CAP2: variants seen among roughly 807,000 people sequenced by gnomAD.
CAP2 encodes adenylyl cyclase-associated protein 2.
A neutral mutation model predicts 57.7 loss-of-function variants in CAP2; 24 were observed. The observed-to-expected ratio is 0.42, with a 90% CI of 0.30 to 0.58. The LOEUF (loss-of-function observed/expected upper bound fraction) is 0.58. CAP2 is among the 20% of genes least tolerant of loss of function. CAP2 has a pLI of 0.22. For missense variants in CAP2, 501 were observed against 590.3 expected (o/e 0.85, Z 1.57); for synonymous variants, 194 against 207.2 (o/e 0.94, Z 0.55).
At chr6:17,467,110 C>T (rs3891901) in intron 4 of CAP2, among the ~76,000 whole-genome samples, 4,271 of 152,224 alleles carry the variant, frequency 0.028, 184 homozygotes, top group African/African-American at 0.096. Flanking sequence ...CAAGTGACCA[C>T]TCTTGCTGCC....
intron 1 of CAP2, among the ~76,000 whole-genome samples, chr6:17,405,996 C>T (rs1758955266): frequency 1.3e-5 from 2 of 152,132 alleles, no homozygotes; most frequent in African/African-American, 4.8e-5. Context: ...CTACCCCAGC[C>T]TCTGAAAGTG....
At chr6:17,462,340 AAG>A (rs1392804839) in intron 3 of CAP2, among the ~76,000 whole-genome samples, 1 of 152,198 alleles carries the variant, frequency 6.6e-6, no homozygotes, top group African/African-American at 2.4e-5. Context: ...GAAAGAGGGT[AAG>A]AGAGAGACAG....
At chr6:17,533,672 G>C (rs111736990) in intron 7 of CAP2, among the ~76,000 whole-genome samples, 5,289 of 151,418 alleles carry the variant, frequency 0.035, 325 homozygotes, top group African/African-American at 0.12. Flanking sequence ...GGGTTCAAGC[G>C]ATTCTCCTGC....
chr6:17,406,398 C>CTTTTT lies in CAP2; in HGVS notation c.-2+12663_-2+12667dup, dbSNP rs777803474. ...CTTTTCTGTCAGTAAGCCCAGATTT[C>CTTTTT]TTTTTTTTTTTTTTTGAGGCAGTCT... On this transcript the variant is annotated intron_variant, in intron 1 of 12. Coordinates refer to ENST00000229922, the MANE Select transcript of CAP2 (RefSeq NM_006366.3). 1.5e-4 allele frequency among the ~76,000 whole-genome samples: 15 copies of CTTTTT among 102,478 alleles called. No individual in the cohort carries two copies. In the South Asian group the frequency reaches 2.2e-3, roughly 15 times the overall value. 67.2% of individuals were successfully genotyped at this position (102,478 alleles called of 152,430 possible).
At chr6:17,511,249 C>T (rs577457356) in intron 6 of CAP2, among the ~76,000 whole-genome samples, 1 of 152,170 alleles carries the variant, frequency 6.6e-6, no homozygotes, top group South Asian at 2.1e-4. Context: ...ATGCAACACC[C>T]ATTTACCGGT....
At chr6:17,454,540 A>C (rs191392971) in intron 3 of CAP2, among the ~76,000 whole-genome samples, 6 of 152,248 alleles carry the variant, frequency 3.9e-5, no homozygotes, top group Non-Finnish European at 7.4e-5. Flanking sequence ...CTTCTTTTGT[A>C]ATCTCCCATT....
intron 12 of CAP2, among the ~76,000 whole-genome samples, chr6:17,554,281 A>G (rs1481103590): frequency 3.3e-5 from 5 of 152,074 alleles, no homozygotes; most frequent in East Asian, 1.9e-4. Flanking sequence ...TAATTTTTGT[A>G]TGTTTTGTAG....
intron 7 of CAP2, among the ~76,000 whole-genome samples, chr6:17,533,858 G>C (rs190861935): frequency 1.3e-5 from 2 of 152,038 alleles, no homozygotes; most frequent in Non-Finnish European, 2.9e-5. Context: ...GAGCCACTGC[G>C]CCCAGCCTCA....
At chr6:17,441,132 T>C (rs1439477752) in intron 3 of CAP2, among the ~76,000 whole-genome samples, 1 of 151,566 alleles carries the variant, frequency 6.6e-6, no homozygotes, top group African/African-American at 2.4e-5. Flanking sequence ...CTTAGATCTT[T>C]TAATAAATTA....
chr6:17,444,881 A>T (rs925952620), intron 3 of CAP2, among the ~76,000 whole-genome samples: 1 of 150,624 alleles, frequency 6.6e-6, no homozygotes, highest in Non-Finnish European at 1.5e-5. Flanking sequence ...GTGACAGTTT[A>T]TCCAGTACCC....
intron 11 of CAP2, among the ~76,000 whole-genome samples, chr6:17,545,399 A>G (rs1485689141): frequency 6.6e-6 from 1 of 152,194 alleles, no homozygotes; most frequent in African/African-American, 2.4e-5. Flanking sequence ...AAATGTGAAA[A>G]TGGGAAGTTC....
chr6:17,396,196 C>T (rs1182021132), intron 1 of CAP2, among the ~76,000 whole-genome samples: 2 of 152,124 alleles, frequency 1.3e-5, no homozygotes, highest in African/African-American at 4.8e-5. Flanking sequence ...CTTTGTACAC[C>T]ACCGATGGGA....
At chr6:17,417,187 A>G (rs1005986905) in intron 1 of CAP2, among the ~76,000 whole-genome samples, 1 of 152,060 alleles carries the variant, frequency 6.6e-6, no homozygotes, top group Non-Finnish European at 1.5e-5. Context: ...TGCACTTCTC[A>G]TTATAATGAA....
At chr6:17,532,740 T>TC (rs113165026) in intron 7 of CAP2, among the ~76,000 whole-genome samples, 25,166 of 123,976 alleles carry the variant, frequency 0.2, 2,844 homozygotes, top group African/African-American at 0.34. Flanking sequence ...TGAGCGATAC[T>TC]AAAAAAAAAA....
chr6:17,529,651 A>AAAAAAAAAAAAAATAT (rs10656588), intron 7 of CAP2, among the ~76,000 whole-genome samples: 3 of 134,538 alleles, frequency 2.2e-5, no homozygotes, highest in African/African-American at 8.8e-5. Context: ...AAAAAAAAAA[A>AAAAAAAAAAAAAATAT]ATATATATAT....
intron 4 of CAP2, among the ~76,000 whole-genome samples, chr6:17,500,649 A>C (rs1462043141): frequency 6.6e-6 from 1 of 152,046 alleles, no homozygotes; most frequent in African/African-American, 2.4e-5. Flanking sequence ...CAAACTTAAC[A>C]GCCCCTATGT....
chr6:17,398,482 A>G (rs1461704275), intron 1 of CAP2, among the ~76,000 whole-genome samples: 5 of 151,940 alleles, frequency 3.3e-5, no homozygotes, highest in South Asian at 2.1e-4. Context: ...GAATTTTAAA[A>G]TTACTTTTAC....
At chr6:17,494,796 G>A (rs899195424) in intron 4 of CAP2, among the ~76,000 whole-genome samples, 6 of 152,206 alleles carry the variant, frequency 3.9e-5, no homozygotes, top group African/African-American at 1.4e-4. Context: ...GGTAGACTGA[G>A]TAAAGTAGAT....
chr6:17,500,283 G>C (rs1761772309), intron 4 of CAP2, among the ~76,000 whole-genome samples: 1 of 135,014 alleles, frequency 7.4e-6, no homozygotes, highest in Non-Finnish European at 1.6e-5. Flanking sequence ...GACTTTAAAT[G>C]GTGAAAATAA....
Sources: gnomAD v4.1 joint callset for allele counts (sites outside exome capture counted in the v4.1 genomes callset) on GRCh38, gnomAD v4.1.1 for gene constraint, MANE v1.5 for transcripts, NCBI Gene and HGNC (gene_info 2026-07-23, HGNC 2026-07-21) for gene names.